The following MMRN1 variants were observed in gnomAD, a reference collection of about 807,000 sequenced individuals.
MMRN1 encodes multimerin-1.
A neutral mutation model predicts 100.7 loss-of-function variants in MMRN1; 94 were observed. The observed-to-expected ratio is 0.93, with a 90% CI of 0.79 to 1.11. The LOEUF (loss-of-function observed/expected upper bound fraction) is 1.11, where lower values mean the gene tolerates loss of function less well. Among genes scored for constraint, MMRN1 ranks in the 50% least tolerant of loss-of-function variants. The pLI is 0.00. For missense variants in MMRN1, 1,606 were observed against 1,439.1 expected, an observed-to-expected ratio of 1.12 and a Z score of -1.88; for synonymous variants, 575 against 505.0, an observed-to-expected ratio of 1.14 and a Z score of -1.86.
intron 6 of MMRN1, chr4:89,951,389 G>T (rs1046380175): frequency 5.1e-6 from 2 of 389,886 alleles, no homozygotes; most frequent in Non-Finnish European, 9.0e-6. Context: ...ATGGATCACA[G>T]AATTTTGCCC....
chr4:89,886,835 T>C (rs986718983), intron 1 of MMRN1, among the ~76,000 whole-genome samples: 5 of 152,128 alleles, frequency 3.3e-5, no homozygotes, highest in Non-Finnish European at 7.4e-5. Flanking sequence ...ACCTGAAATG[T>C]TTATCATTTC....
Position 89,935,525 on chromosome 4 carries a change from T to C in MMRN1, c.1845T>C (p.His615=), listed in dbSNP as rs144025531. 2.5e-4 allele frequency: 398 copies of C among 1,613,140 alleles called. No individual in the cohort carries two copies. The highest frequency in any genetic ancestry group is 3.3e-4 in the Non-Finnish European group (387 of 1,179,682). ...TTAAGGACACAGAAGAGAATTTACA[T>C]GTGTTAAATCAAACATTGGCTGAAG... ...FQLKDTEENL[H]VLNQTLAEVL... is the part of the protein sequence containing the mutation. The change falls in exon 6 of 8, where the codon CAT becomes CAC. Residue 615 remains histidine (H), a synonymous_variant. Coordinates refer to ENST00000264790, the MANE Select transcript of MMRN1 (RefSeq NM_007351.3).
chr4:89,939,712 T>G (rs1413695643), intron 6 of MMRN1, among the ~76,000 whole-genome samples: 2 of 152,124 alleles, frequency 1.3e-5, no homozygotes, highest in African/African-American at 4.8e-5. Flanking sequence ...TGCCTTTCTC[T>G]TCTTTCTGTT....
rs1416612751 is a variant in MMRN1, at chr4:89,916,384, AC to A, written c.850+4335del. ...ATTCTGAAAAAAAAAAAACAAACAAACAAACAATAAATTTAACAATGCTGCT... is the reference window on the plus strand; with the variant it reads ...ATTCTGAAAAAAAAAAAACAAACAAAAAACAATAAATTTAACAATGCTGCT... On this transcript the variant is annotated intron_variant, in intron 3 of 7. Coordinates refer to ENST00000264790, the MANE Select transcript of MMRN1 (RefSeq NM_007351.3). 9.5e-4 allele frequency among the ~76,000 whole-genome samples: 144 copies of A among 150,916 alleles called. 2 individuals carry two copies. The highest frequency in any genetic ancestry group is 3.3e-3 in the African/African-American group (137 of 41,084).
At position 89,951,748 on chromosome 4, in the gene MMRN1, C is replaced by T. The variant is rs780974993; in HGVS notation, c.3262C>T (p.Pro1088Ser). ...IKLVEENALA[P>S]DFSKGSYRYA... ...GCTTGTGGAAGAAAATGCTTTAGCT[C>T]CAGGTAAAAAAAAAGTATACGCATC... The change falls in exon 7 of 8, where the codon CCA (proline) becomes TCA (serine). Residue 1088 changes from proline to serine, a missense_variant. By Grantham distance (74) the Pro-to-Ser change is moderately conservative (BLOSUM62 -1). Coordinates refer to ENST00000264790, the MANE Select transcript of MMRN1 (RefSeq NM_007351.3). The T allele has an allele frequency of 5.6e-6, 9 of 1,610,094 alleles. No homozygotes were observed. In the Admixed American group the frequency reaches 6.7e-5, roughly 12 times the overall value.
chr4:89,889,417 C>T (rs576080908), intron 1 of MMRN1, among the ~76,000 whole-genome samples: 25 of 152,204 alleles, frequency 1.6e-4, no homozygotes, highest in Non-Finnish European at 3.5e-4. Flanking sequence ...GATAAGGTCC[C>T]CAGCCCAGTA....
At chr4:89,932,742 C>T (rs1031078007) in intron 5 of MMRN1, among the ~76,000 whole-genome samples, 2 of 152,142 alleles carry the variant, frequency 1.3e-5, no homozygotes, top group Non-Finnish European at 2.9e-5. Flanking sequence ...AGCCTTGAAA[C>T]AGCACAAAGC....
At chr4:89,939,646 G>A (rs1320664919) in intron 6 of MMRN1, among the ~76,000 whole-genome samples, 2 of 152,148 alleles carry the variant, frequency 1.3e-5, no homozygotes, top group African/African-American at 4.8e-5. Flanking sequence ...TGGCCAGCTA[G>A]ACTCAGGGCT....
chr4:89,929,907 A>G (rs937490249), intron 5 of MMRN1, among the ~76,000 whole-genome samples: 2 of 152,164 alleles, frequency 1.3e-5, no homozygotes, highest in Non-Finnish European at 2.9e-5. Context: ...AGCCATAGAA[A>G]CTGTTGAAAA....
In MMRN1 at chr4:89,953,194, A is replaced by C. The variant is rs758090594; in HGVS notation, c.3463A>C (p.Ser1155Arg). 1 of 1,613,852 alleles carries C rather than the reference A, an allele frequency of 6.2e-7. No individual in the cohort carries two copies. Among genetic ancestry groups the C allele is most frequent in the Non-Finnish European group, 8.5e-7 (1 of 1,179,840 alleles). Residue 1155 changes from serine to arginine, a missense_variant, in exon 8 of 8, where the codon AGT becomes CGT. Ser to Arg is a moderately radical substitution (Grantham distance 110). Transcript: ENST00000264790. ...YVFKYTIESF[S>R]AHISGFLVVD... is the part of the protein sequence containing the mutation. ...TTTCAAGTACACCATCGAGTCATTT[A>C]GTGCTCATATTTCTGGATTTTTAGT...
At chr4:89,929,532 A>G (rs1465501508) in intron 5 of MMRN1, among the ~76,000 whole-genome samples, 4 of 152,120 alleles carry the variant, frequency 2.6e-5, no homozygotes, top group African/African-American at 4.8e-5. Context: ...GTAATTGACT[A>G]TAACCATCTG....
chr4:89,900,659 A>G (rs924338142), intron 1 of MMRN1, among the ~76,000 whole-genome samples: 1 of 152,126 alleles, frequency 6.6e-6, no homozygotes, highest in Non-Finnish European at 1.5e-5. Context: ...TTTGCTGCCT[A>G]GAACAGTGCC....
Position 89,936,416 on chromosome 4 carries a change from T to A in MMRN1, c.2736T>A (p.His912Gln), listed in dbSNP as rs754996137. The A allele has an allele frequency of 3.7e-6, 6 of 1,609,968 alleles. No homozygotes were observed. Among genetic ancestry groups the A allele is most frequent in the Non-Finnish European group, 5.1e-6 (6 of 1,178,828 alleles). ...AGGCGTTGGAAGCAAAATCTATCCA[T>A]CTTTCAATTAACTTCTTTTCGCTTA... ...RFKALEAKSI[H>Q]LSINFFSLNK... The change falls in exon 6 of 8, where the codon CAT becomes CAA. Residue 912 changes from histidine to glutamine, a missense_variant. Coordinates refer to ENST00000264790, the MANE Select transcript of MMRN1 (RefSeq NM_007351.3).
chr4:89,936,174 T>A lies in MMRN1; in HGVS notation c.2494T>A (p.Ser832Thr), dbSNP rs1396108643. 5 of 1,610,960 alleles carry A rather than the reference T, an allele frequency of 3.1e-6. No homozygotes were observed. Among genetic ancestry groups the A allele is most frequent in the Non-Finnish European group, 4.2e-6 (5 of 1,179,234 alleles). ...GTATCAAATGTTCAATGAAACCACTTCCCAAGTGAGAAAATACCAGCAAAA... is the reference window on the plus strand; with the variant it reads ...GTATCAAATGTTCAATGAAACCACTACCCAAGTGAGAAAATACCAGCAAAA... ...KMYQMFNETTSQVRKYQQNMS... is the reference protein window; with the variant it reads ...KMYQMFNETTTQVRKYQQNMS... The change falls in exon 6 of 8, where the codon TCC (serine) becomes ACC (threonine). Residue 832 changes from serine (S) to threonine (T), a missense_variant. Transcript: ENST00000264790.
At position 89,936,443 on chromosome 4, in the gene MMRN1, C is replaced by G; in HGVS notation, c.2763C>G (p.Asn921Lys). The change falls in exon 6 of 8, where the codon AAC becomes AAG. Residue 921 changes from asparagine to lysine, a missense_variant. Asn to Lys is a moderately conservative substitution (Grantham distance 94, BLOSUM62 0). Transcript: ENST00000264790. The part of the protein sequence containing the change: ...IHLSINFFSL[N>K]KTLHEVLTMC... ...TTTCAATTAACTTCTTTTCGCTTAA[C>G]AAAACTCTCCACGAAGTTTTAACAA... is the stretch of plus-strand genomic sequence containing the variant. 1 of 1,611,412 alleles carries G rather than the reference C, an allele frequency of 6.2e-7. No homozygotes were observed. The highest frequency in any genetic ancestry group is 8.5e-7 in the Non-Finnish European group (1 of 1,179,200).
At chr4:89,894,752 T>C (rs1441242963), upstream of MMRN1, 4 of 628,718 alleles carry the variant, frequency 6.4e-6, no homozygotes, top group Admixed American at 7.3e-5. Context: ...AGCACTTCCA[T>C]AGAGCCATCC....
At chr4:89,903,527 C>A (rs1424964226) in intron 1 of MMRN1, among the ~76,000 whole-genome samples, 1 of 151,446 alleles carries the variant, frequency 6.6e-6, no homozygotes, top group Non-Finnish European at 1.5e-5. Flanking sequence ...TTCTTTGTAT[C>A]TGAGGCAAAA....
chr4:89,913,921 C>G (rs1041044170), intron 3 of MMRN1, among the ~76,000 whole-genome samples: 3 of 151,372 alleles, frequency 2.0e-5, no homozygotes, highest in Non-Finnish European at 4.4e-5. Context: ...TGTCATACAA[C>G]CAATTCTAAT....
Position 89,895,523 on chromosome 4 carries a change from C to T in MMRN1, c.552C>T (p.Leu184=), listed in dbSNP as rs752974555. Residue 184 remains leucine, a synonymous_variant, in exon 1 of 8, where the codon CTC becomes CTT. Coordinates refer to ENST00000264790, the MANE Select transcript of MMRN1 (RefSeq NM_007351.3). ...VGNRAPRETY[L]SRGDSSSSQR... The stretch of plus-strand genomic sequence containing the variant: ...ATCGAGCCCCACGGGAAACATACCT[C>T]AGCCGGGGTGACAGCAGTTCCAGCC... 7 of 1,613,678 alleles carry T rather than the reference C, an allele frequency of 4.3e-6. No homozygotes were observed. The highest frequency in any genetic ancestry group is 1.7e-5 in the Admixed American group (1 of 59,958).
Sources: gnomAD v4.1 joint callset for allele counts (sites outside exome capture counted in the v4.1 genomes callset) on GRCh38, gnomAD v4.1.1 for gene constraint, MANE v1.5 for transcripts, NCBI Gene and HGNC (gene_info 2026-07-23, HGNC 2026-07-21) for gene names.